The following HHAT variants were observed in gnomAD, a reference collection of about 807,000 sequenced individuals.
HHAT encodes protein-cysteine N-palmitoyltransferase HHAT.
Under a neutral mutation model 70.8 loss-of-function variants are expected in HHAT, and 47 were observed. The ratio of observed to expected loss-of-function variants is 0.66; its 90% CI spans 0.53 to 0.85. HHAT has a LOEUF of 0.85. Among genes scored for constraint, HHAT ranks in the 40% least tolerant of loss-of-function variants. The probability of loss-of-function intolerance (pLI) is 0.00; values close to 1 mark genes in which losing one functional copy is unlikely to be tolerated. For synonymous variants in HHAT, 228 were observed against 247.6 expected (o/e 0.92, Z 0.74); for missense variants, 609 against 604.8 (o/e 1.01, Z -0.07).
chr1:210,375,300 TACACAC>T (rs34091092), intron 3 of HHAT, among the ~76,000 whole-genome samples: 1 of 151,754 alleles, frequency 6.6e-6, no homozygotes, highest in Non-Finnish European at 1.5e-5. Flanking sequence ...TATGTGTATA[TACACAC>T]ACACATTTAG....
intron 8 of HHAT, among the ~76,000 whole-genome samples, chr1:210,498,835 T>C (rs887001796): frequency 4.6e-5 from 7 of 150,644 alleles, no homozygotes; most frequent in African/African-American, 1.7e-4. Flanking sequence ...AGTGGTGCGA[T>C]CTCAGCTCAC....
chr1:210,627,762 A>C (rs1670100394), intron 11 of HHAT, among the ~76,000 whole-genome samples: 1 of 152,214 alleles, frequency 6.6e-6, no homozygotes, highest in African/African-American at 2.4e-5. Flanking sequence ...CAAATTTTTA[A>C]TATTGAAGTT....
intron 10 of HHAT, among the ~76,000 whole-genome samples, chr1:210,598,746 A>C (rs1239136529): frequency 6.6e-6 from 1 of 152,236 alleles, no homozygotes; most frequent in Non-Finnish European, 1.5e-5. Flanking sequence ...CCTACCCTCT[A>C]CAGAGCCACT....
At chr1:210,440,292 A>C (rs1353863520) in intron 7 of HHAT, among the ~76,000 whole-genome samples, 1 of 151,680 alleles carries the variant, frequency 6.6e-6, no homozygotes, top group Non-Finnish European at 1.5e-5. Context: ...GGGTGGAAGG[A>C]GGGCCTGACA....
At chr1:210,472,203 G>T (rs1398335071) in intron 8 of HHAT, among the ~76,000 whole-genome samples, 1 of 152,074 alleles carries the variant, frequency 6.6e-6, no homozygotes, top group African/African-American at 2.4e-5. Flanking sequence ...CCTCCCACAC[G>T]GCTTGTTCCC....
chr1:210,380,987 T>A (rs1342987314), intron 3 of HHAT, among the ~76,000 whole-genome samples: 2 of 151,982 alleles, frequency 1.3e-5, no homozygotes, highest in Admixed American at 6.6e-5. Context: ...GTGGGGGAAA[T>A]AACATGATCA....
rs1308103455 is a variant in HHAT, at chr1:210,676,083, G to C, written c.*1704G>C. 6.6e-6 allele frequency: 1 copy of C among 152,160 alleles called. No homozygotes were observed. The highest frequency in any genetic ancestry group is 1.5e-5 in the Non-Finnish European group (1 of 68,038). 9.4% of individuals were successfully genotyped at this position (152,160 alleles called of 1,614,324 possible). On this transcript the variant is annotated 3_prime_UTR_variant, in exon 12 of 12. Coordinates refer to ENST00000261458, the MANE Select transcript of HHAT (RefSeq NM_018194.6). ...GGAGTAAAAATGATGATAGGGAAGT[G>C]TCTAATGTATGTGCACATATAAGTA...
chr1:210,567,031 T>G (rs1394790312), intron 9 of HHAT, among the ~76,000 whole-genome samples: 1 of 152,198 alleles, frequency 6.6e-6, no homozygotes, highest in African/African-American at 2.4e-5. Context: ...GGATGCTTGC[T>G]CCAGCTCCTG....
At position 210,362,856 on chromosome 1, in the gene HHAT, CGAA is replaced by C. The variant is rs1009311081; in HGVS notation, c.99_101del (p.Glu35del). On this transcript the variant is annotated inframe_deletion, in exon 3 of 12. Coordinates refer to ENST00000261458, the MANE Select transcript of HHAT (RefSeq NM_018194.6). Reference sequence around the variant, plus strand: ...AGACTTTTTTTTTTTGGTCAGAACACGAAGAGGAGCTGGACCAGGAATTTGAGC... The same window carrying C: ...AGACTTTTTTTTTTTGGTCAGAACACGAGGAGCTGGACCAGGAATTTGAGC... 36 of 1,612,622 alleles carry C rather than the reference CGAA, an allele frequency of 2.2e-5. No homozygotes were observed. Among genetic ancestry groups the C allele is most frequent in the Admixed American group, 8.3e-5 (5 of 59,950 alleles).
intron 7 of HHAT, among the ~76,000 whole-genome samples, chr1:210,440,260 A>G (rs1309174970): frequency 6.6e-6 from 1 of 151,738 alleles, no homozygotes; most frequent in East Asian, 1.9e-4. Context: ...TTCTCTTGAG[A>G]TTAATTCCTG....
At chr1:210,420,105 C>T (rs1313487821) in intron 7 of HHAT, among the ~76,000 whole-genome samples, 3 of 152,218 alleles carry the variant, frequency 2.0e-5, no homozygotes, top group Non-Finnish European at 4.4e-5. Context: ...GTAATCCCAT[C>T]AGCCTCTATT....
chr1:210,336,310 T>TA (rs2085493901), intron 1 of HHAT, among the ~76,000 whole-genome samples: 1 of 134,338 alleles, frequency 7.4e-6, no homozygotes, highest in Admixed American at 8.4e-5. Context: ...TTTTTTTTTT[T>TA]AGAGACAGGG....
chr1:210,651,855 C>A (rs1265300822), intron 11 of HHAT, among the ~76,000 whole-genome samples: 1 of 152,176 alleles, frequency 6.6e-6, no homozygotes, highest in African/African-American at 2.4e-5. Context: ...GCCTCTAGGC[C>A]AGGGCTTGGT....
intron 3 of HHAT, among the ~76,000 whole-genome samples, chr1:210,364,266 T>G (rs2088666471): frequency 1.3e-5 from 2 of 152,174 alleles, no homozygotes; most frequent in Admixed American, 6.5e-5. Context: ...GAATGTAATG[T>G]GGGTAGTATT....
chr1:210,538,645 T>C (rs2095398922), intron 9 of HHAT, among the ~76,000 whole-genome samples: 1 of 152,136 alleles, frequency 6.6e-6, no homozygotes, highest in African/African-American at 2.4e-5. Context: ...GAAAAGGAGA[T>C]ACAAATATTG....
intron 8 of HHAT, among the ~76,000 whole-genome samples, chr1:210,477,750 G>A (rs1174218972): frequency 1.3e-5 from 2 of 152,160 alleles, no homozygotes; most frequent in African/African-American, 4.8e-5. Context: ...GTGAGTGATT[G>A]CGAGGCAGTC....
At chr1:210,438,004 A>G (rs2093419383) in intron 7 of HHAT, among the ~76,000 whole-genome samples, 1 of 151,846 alleles carries the variant, frequency 6.6e-6, no homozygotes, top group South Asian at 2.1e-4. Flanking sequence ...AGATTCCATC[A>G]TATCTTGGGC....
chr1:210,466,232 T>G (rs761369770), intron 8 of HHAT, among the ~76,000 whole-genome samples: 1 of 152,234 alleles, frequency 6.6e-6, no homozygotes, highest in Non-Finnish European at 1.5e-5. Context: ...AAAGAAACCC[T>G]TCAAAAGGTG....
At chr1:210,480,389 G>A (rs2094375915) in intron 8 of HHAT, among the ~76,000 whole-genome samples, 1 of 152,176 alleles carries the variant, frequency 6.6e-6, no homozygotes, top group Non-Finnish European at 1.5e-5. Flanking sequence ...TGAGCAGTAG[G>A]ATATAAGTAA....
Sources: allele counts gnomAD v4.1 joint callset (sites outside exome capture counted in the v4.1 genomes callset), GRCh38; gene constraint gnomAD v4.1.1; transcripts MANE v1.5; gene names NCBI Gene and HGNC (gene_info 2026-07-23, HGNC 2026-07-21).